SIGMAR1: variants seen among roughly 807,000 people sequenced by gnomAD.
SIGMAR1 encodes the protein SR31747 binding protein 1.
Under a neutral mutation model 25.4 loss-of-function variants are expected in SIGMAR1, and 18 were observed. The ratio of observed to expected loss-of-function variants is 0.71; its 90% CI spans 0.49 to 1.05. SIGMAR1 has a LOEUF of 1.05. Among genes scored for constraint, SIGMAR1 ranks in the 50% least tolerant of loss-of-function variants. The pLI is 0.00. For missense variants in SIGMAR1, 249 were observed against 301.6 expected (o/e 0.83, Z 1.29); for synonymous variants, 125 against 131.6 (o/e 0.95, Z 0.34).
In SIGMAR1 at chr9:34,635,863, G is replaced by A; in HGVS notation, c.446-5C>T. The A allele has an allele frequency of 5.6e-6, 9 of 1,613,880 alleles. No individual in the cohort carries two copies. The highest frequency in any genetic ancestry group is 7.6e-6 in the Non-Finnish European group (9 of 1,180,022). ...GCCCGTGTACTACCGTCTCCCCTGG[G>A]GGACAGGGAGCACCCAAGTGAAAAG... On this transcript the variant is annotated splice_polypyrimidine_tract_variant and splice_region_variant and intron_variant, in intron 3 of 3. Transcript: ENST00000277010. The surrounding 1 kb of genome is among the most constrained non-coding windows in gnomAD (Gnocchi z 4.5).
At chr9:34,636,590 G>A (rs937472584) in intron 3 of SIGMAR1, among the ~76,000 whole-genome samples, 3 of 152,152 alleles carry the variant, frequency 2.0e-5, no homozygotes, top group African/African-American at 7.2e-5. Context: ...AGCCGAGATC[G>A]CGCCACTGCA....
chr9:34,637,608 C>T lies in SIGMAR1; in HGVS notation c.90G>A (p.Leu30=). ...GCTGGAAGACGAAGCTCTGCGTACC[C>T]AGCCAGAGCCAGACGACCTGGGTCA... ...AVLTQVVWLW[L]GTQSFVFQRE... The change falls in exon 1 of 4, where the codon CTG becomes CTA. Residue 30 remains leucine (L), a synonymous_variant. Coordinates refer to ENST00000277010, the MANE Select transcript of SIGMAR1 (RefSeq NM_005866.4). The T allele has an allele frequency of 6.4e-7, 1 of 1,552,126 alleles. No individual in the cohort carries two copies. The highest frequency in any genetic ancestry group is 1.2e-5 in the South Asian group (1 of 85,166).
chr9:34,636,863 T>C, intron 3 of SIGMAR1, 134 bp downstream of exon 3: 2 of 754,450 alleles, frequency 2.7e-6, no homozygotes, highest in Non-Finnish European at 2.3e-6. Flanking sequence ...CACCTGTGGC[T>C]TATGGGAGGG....
At chr9:34,637,461 G>C in intron 1 of SIGMAR1, 41 bp from the exon 2 acceptor site, 1 of 1,587,658 alleles carries the variant, frequency 6.3e-7, no homozygotes, top group Non-Finnish European at 8.5e-7. Context: ...GGCTGGCACC[G>C]GTCCTAGGTC....
chr9:34,635,772 T>G lies in SIGMAR1; in HGVS notation c.532A>C (p.Ile178Leu). The change falls in exon 4 of 4, where the codon ATC (isoleucine) becomes CTC (leucine). Residue 178 changes from isoleucine to leucine, a missense_variant. Physicochemically the swap from Ile to Leu is conservative, Grantham distance 5 (BLOSUM62 2). Transcript: ENST00000277010. The surrounding 1 kb of genome is among the most constrained non-coding windows in gnomAD (Gnocchi z 4.5). ...TWMVEYGRGVIPSTLAFALAD... is the reference protein window; with the variant it reads ...TWMVEYGRGVLPSTLAFALAD... The stretch of plus-strand genomic sequence containing the variant: ...AGCGCGAAGGCCAGGGTGGATGGGA[T>G]GACGCCCCGGCCGTACTCCACCATC... 3 of 1,614,220 alleles carry G rather than the reference T, an allele frequency of 1.9e-6. No individual in the cohort carries two copies. The highest frequency in any genetic ancestry group is 2.5e-6 in the Non-Finnish European group (3 of 1,180,034).
Position 34,635,674 on chromosome 9 carries a change from G to A in SIGMAR1, c.630C>T (p.Leu210=). 1 of 1,614,260 alleles carries A rather than the reference G, an allele frequency of 6.2e-7. No homozygotes were observed. The highest frequency in any genetic ancestry group is 8.5e-7 in the Non-Finnish European group (1 of 1,180,042). ...AGAGGTAGGTGGTGAGCTCAAGCCG[G>A]AGGCCCCGAGCATAGGAGCGAAGAG... ...FYTLRSYARG[L]RLELTTYLFG... The change falls in exon 4 of 4, where the codon CTC becomes CTT. Residue 210 remains leucine (L), a synonymous_variant. Coordinates refer to ENST00000277010, the MANE Select transcript of SIGMAR1 (RefSeq NM_005866.4). This position sits in a 1 kb window ranked among gnomAD's most constrained non-coding sequence, Gnocchi z 4.5.
chr9:34,636,813 C>T (rs759684739), intron 3 of SIGMAR1, 184 bp downstream of exon 3: 3 of 641,042 alleles, frequency 4.7e-6, no homozygotes, highest in African/African-American at 1.8e-5. Flanking sequence ...TTCCCCTTGA[C>T]AGAGGAAAGC....
At position 34,637,651 on chromosome 9, in the gene SIGMAR1, AG is replaced by A; in HGVS notation, c.46del (p.Leu16TrpfsTer7). 1 of 1,536,058 alleles carries A rather than the reference AG, an allele frequency of 6.5e-7. No homozygotes were observed. On this transcript the variant is annotated frameshift_variant, in exon 1 of 4. Coordinates refer to ENST00000277010, the MANE Select transcript of SIGMAR1 (RefSeq NM_005866.4). LOFTEE classifies it high-confidence loss of function. ...GRRWAWAALLLAVAAVLTQVV... is the reference protein window; with the variant it reads ...GRRWAWAALLXAVAAVLTQVV... ...CTGGGTCAGCACCGCTGCGACAGCC[AG>A]GAGCAGCGCGGCCCACGCCCACCGC...
At position 34,635,652 on chromosome 9, in the gene SIGMAR1, G is replaced by C. The variant is rs754118993; in HGVS notation, c.652C>G (p.Leu218Val). 4 of 1,614,116 alleles carry C rather than the reference G, an allele frequency of 2.5e-6. No individual in the cohort carries two copies. In the South Asian group the frequency reaches 3.3e-5, roughly 13 times the overall value. Residue 218 changes from leucine (L) to valine (V), a missense_variant, in exon 4 of 4, where the codon CTC becomes GTC. By Grantham distance (32) the Leu-to-Val change is conservative. Coordinates refer to ENST00000277010, the MANE Select transcript of SIGMAR1 (RefSeq NM_005866.4). The surrounding 1 kb of genome is among the most constrained non-coding windows in gnomAD (Gnocchi z 4.5). Reference protein sequence around the residue: ...RGLRLELTTYLFGQDP With the variant: ...RGLRLELTTYVFGQDP The stretch of plus-strand genomic sequence containing the variant: ...GCTGGTCAAGGGTCCTGGCCAAAGA[G>C]GTAGGTGGTGAGCTCAAGCCGGAGG...
chr9:34,636,178 G>A (rs1211619604), intron 3 of SIGMAR1, among the ~76,000 whole-genome samples: 1 of 152,066 alleles, frequency 6.6e-6, no homozygotes, highest in African/African-American at 2.4e-5. Context: ...CTTGTAGCTA[G>A]GAAAGGGGTA....
intron 3 of SIGMAR1, 188 bp downstream of exon 3, chr9:34,636,808 CT>C: frequency 1.6e-6 from 1 of 636,314 alleles, no homozygotes; most frequent in Non-Finnish European, 2.8e-6. Flanking sequence ...TTTGTTTCCC[CT>C]TGACAGAGGA....
chr9:34,637,215 C>G lies in SIGMAR1; in HGVS notation c.352+5G>C, dbSNP rs1279900898. The G allele has an allele frequency of 6.4e-7, 1 of 1,558,404 alleles. No homozygotes were observed. Among genetic ancestry groups the G allele is most frequent in the Non-Finnish European group, 8.6e-7 (1 of 1,156,136 alleles). ...CTCCCAGTCTGGCCCGCCGCTAGCACTGACCCGAGTGGCCGCGGGAGCCCA... is the reference window on the plus strand; with the variant it reads ...CTCCCAGTCTGGCCCGCCGCTAGCAGTGACCCGAGTGGCCGCGGGAGCCCA... On this transcript the variant is annotated splice_donor_5th_base_variant and intron_variant, in intron 2 of 3. Transcript: ENST00000277010.
Position 34,634,801 on chromosome 9 carries a change from A to ATG in SIGMAR1, c.*830_*831insCA, listed in dbSNP as rs1820776793. The ATG allele has an allele frequency of 1.5e-5, 2 of 129,720 alleles. No individual in the cohort carries two copies. The highest frequency in any genetic ancestry group is 6.9e-5 in the African/African-American group (2 of 28,852). The allele number at this position is 129,720 out of a possible 1,614,324, so 8.0% of individuals were successfully genotyped here. A position where few individuals can be genotyped will look rare whatever the true frequency, so the allele number is the denominator to read the frequency against. On this transcript the variant is annotated 3_prime_UTR_variant, in exon 4 of 4. Coordinates refer to ENST00000277010, the MANE Select transcript of SIGMAR1 (RefSeq NM_005866.4). ...CAGCAGGGGCTGTGTGAAAACTGTGATATGTGTGTGTGTGTGTGTGTGTGT... is the reference window on the plus strand; with the variant it reads ...CAGCAGGGGCTGTGTGAAAACTGTGATGTATGTGTGTGTGTGTGTGTGTGTGT...
rs1564096772 is a variant in SIGMAR1, at chr9:34,637,686, GGCCCACT to G, written c.5_11del (p.Gln2ProfsTer19). The G allele has an allele frequency of 6.5e-7, 1 of 1,529,966 alleles. No homozygotes were observed. The highest frequency in any genetic ancestry group is 1.2e-5 in the South Asian group (1 of 83,734). 94.8% of individuals were successfully genotyped at this position (1,529,966 alleles called of 1,614,324 possible). A position where few individuals can be genotyped will look rare whatever the true frequency, so the allele number is the denominator to read the frequency against. On this transcript the variant is annotated frameshift_variant, in exon 1 of 4. Coordinates refer to ENST00000277010, the MANE Select transcript of SIGMAR1 (RefSeq NM_005866.4). LOFTEE classifies it high-confidence loss of function. ...CGGCCCACGCCCACCGCCGGCCCAC[GGCCCACT>G]GCATCCCGGCGGGCGGCCTGGCACG...
At chr9:34,636,599 C>A (rs1281181611) in intron 3 of SIGMAR1, among the ~76,000 whole-genome samples, 1 of 152,212 alleles carries the variant, frequency 6.6e-6, no homozygotes, top group African/African-American at 2.4e-5. Flanking sequence ...CGCGCCACTG[C>A]ACGCCAGCCT....
At chr9:34,636,890 T>C (rs1820884155) in intron 3 of SIGMAR1, 107 bp downstream of exon 3, 1 of 908,770 alleles carries the variant, frequency 1.1e-6, no homozygotes, top group South Asian at 1.4e-5. Context: ...AAGGGAACCA[T>C]GAGGAGGGCC....
Position 34,637,272 on chromosome 9 carries a change from C to G in SIGMAR1, c.300G>C (p.Leu100=), listed in dbSNP as rs1554707982. 6.4e-7 allele frequency: 1 copy of G among 1,574,742 alleles called. No individual in the cohort carries two copies. The highest frequency in any genetic ancestry group is 1.8e-5 in the Admixed American group (1 of 55,108). The part of the protein sequence containing the change: ...MGAMCLLHAS[L]SEYVLLFGTA... ...TGCCGAAGAGCAGCACATACTCGGA[C>G]AGCGAGGCGTGCAGAAGGCACATGG... The change falls in exon 2 of 4, where the codon CTG becomes CTC. Residue 100 remains leucine (L), a synonymous_variant. Transcript: ENST00000277010.
At position 34,635,577 on chromosome 9, in the gene SIGMAR1, T is replaced by A. The variant is rs1170734674; in HGVS notation, c.*55A>T. ...AAACATGGGCTCCAGCAAGTGGATA[T>A]GTGCGGGCCTGCCCGCTCCTGTCTA... On this transcript the variant is annotated 3_prime_UTR_variant, in exon 4 of 4. Coordinates refer to ENST00000277010, the MANE Select transcript of SIGMAR1 (RefSeq NM_005866.4). The surrounding 1 kb of genome is among the most constrained non-coding windows in gnomAD (Gnocchi z 4.5). The A allele has an allele frequency of 6.2e-7, 1 of 1,609,858 alleles. No individual in the cohort carries two copies.
chr9:34,636,748 T>C (rs1467360256), intron 3 of SIGMAR1: 1 of 579,644 alleles, frequency 1.7e-6, no homozygotes, highest in Non-Finnish European at 3.1e-6. Context: ...TGGGCAAAAT[T>C]GTGCCTGGGC....
Sources: allele counts gnomAD v4.1 joint callset (sites outside exome capture counted in the v4.1 genomes callset), GRCh38; gene constraint gnomAD v4.1.1; non-coding constraint Gnocchi (gnomAD v3.1); transcripts MANE v1.5; gene names NCBI Gene and HGNC (gene_info 2026-07-23, HGNC 2026-07-21).